The following RMDN2 variants were observed in gnomAD, a reference collection of about 807,000 sequenced individuals.
The protein encoded by RMDN2 is regulator of microtubule dynamics protein 2.
In RMDN2, 61 loss-of-function variants were observed where a neutral mutation model predicts 52.8. The ratio of observed to expected loss-of-function variants is 1.16; its 90% CI spans 0.94 to 1.43. The LOEUF (loss-of-function observed/expected upper bound fraction) is 1.43, where lower values mean the gene tolerates loss of function less well. Among genes scored for constraint, RMDN2 ranks in the 40% most tolerant of loss-of-function variants. The pLI is 0.00. For synonymous variants in RMDN2, 180 were observed against 153.1 expected (o/e 1.18, Z -1.30); for missense variants, 592 against 475.3 (o/e 1.25, Z -2.28).
intron 10 of RMDN2, among the ~76,000 whole-genome samples, chr2:38,043,392 G>A (rs1681083165): frequency 6.6e-6 from 1 of 152,070 alleles, no homozygotes; most frequent in South Asian, 2.1e-4. Flanking sequence ...TATATTTAGT[G>A]TAGGTTTCTT....
At chr2:38,019,616 C>CTGTA (rs1264940220), downstream of RMDN2, among the ~76,000 whole-genome samples, 2 of 152,236 alleles carry the variant, frequency 1.3e-5, no homozygotes, top group Non-Finnish European at 2.9e-5. Context: ...TAACTCCCTG[C>CTGTA]TGTATGCCCC....
At chr2:37,940,140 A>G (rs1405661920) in intron 2 of RMDN2, among the ~76,000 whole-genome samples, 3 of 152,176 alleles carry the variant, frequency 2.0e-5, no homozygotes, top group Non-Finnish European at 4.4e-5. Context: ...TTCACTTGTG[A>G]AGCTTAGTTT....
At chr2:37,963,911 CACCTCCCGGACGGGGCGGCGG>C (rs1670649248) in intron 2 of RMDN2, among the ~76,000 whole-genome samples, 6 of 151,358 alleles carry the variant, frequency 4.0e-5, no homozygotes, top group South Asian at 4.2e-4. Flanking sequence ...GGCGCCCCCC[CACCTCCCGGACGGGGCGGCGG>C]CCAGGCGGAG....
intron 2 of RMDN2, chr2:37,952,081 A>AG: frequency 6.2e-7 from 1 of 1,613,286 alleles, no homozygotes; most frequent in Non-Finnish European, 8.5e-7. Flanking sequence ...TCTTATAAAA[A>AG]TTCTGGTTGC....
At chr2:38,021,520 C>G (rs181280783), downstream of RMDN2, among the ~76,000 whole-genome samples, 498 of 152,206 alleles carry the variant, frequency 3.3e-3, 2 homozygotes, top group African/African-American at 7.4e-3. Flanking sequence ...GCCAGCGAGA[C>G]CACAAACCCA....
chr2:38,044,687 T>C (rs1340697048), intron 10 of RMDN2, among the ~76,000 whole-genome samples: 2 of 152,166 alleles, frequency 1.3e-5, no homozygotes, highest in African/African-American at 4.8e-5. Flanking sequence ...TGATGAACTA[T>C]CAAAGAATTC....
intron 5 of RMDN2, among the ~76,000 whole-genome samples, chr2:37,986,133 C>T (rs1673981453): frequency 6.6e-6 from 1 of 151,878 alleles, no homozygotes; most frequent in Admixed American, 6.6e-5. Context: ...ATGCCCATGA[C>T]AAAAATAGAG....
chr2:37,990,396 G>T (rs1376839951), intron 6 of RMDN2, among the ~76,000 whole-genome samples: 1 of 149,278 alleles, frequency 6.7e-6, no homozygotes, highest in East Asian at 2.0e-4. Context: ...GCGGGCGCCT[G>T]TAATCCCAGC....
At chr2:37,990,195 G>A (rs753904580) in intron 6 of RMDN2, among the ~76,000 whole-genome samples, 4 of 150,230 alleles carry the variant, frequency 2.7e-5, no homozygotes, top group South Asian at 2.1e-4. Flanking sequence ...AAGAAGTCAC[G>A]GAGTAGATGA....
chr2:38,009,488 C>G (rs1677625603), intron 10 of RMDN2, among the ~76,000 whole-genome samples: 1 of 152,206 alleles, frequency 6.6e-6, no homozygotes, highest in Non-Finnish European at 1.5e-5. Context: ...ACCCTTTCTT[C>G]CAGTTGATCA....
downstream of RMDN2, among the ~76,000 whole-genome samples, chr2:38,022,430 T>C (rs1679458524): frequency 6.6e-6 from 1 of 152,164 alleles, no homozygotes; most frequent in African/African-American, 2.4e-5. Flanking sequence ...TGAGGATTGT[T>C]CCTGCTAGAT....
intron 10 of RMDN2, among the ~76,000 whole-genome samples, chr2:38,052,989 C>T (rs1178338491): frequency 6.6e-6 from 1 of 152,170 alleles, no homozygotes; most frequent in Non-Finnish European, 1.5e-5. Flanking sequence ...GCCAACTTTA[C>T]AGATGTCAAG....
intron 2 of RMDN2, chr2:37,950,503 C>T (rs1470178988): frequency 6.2e-7 from 1 of 1,612,618 alleles, no homozygotes; most frequent in South Asian, 1.1e-5. Context: ...CCTGTTCCAC[C>T]TCTACAGGGC....
At chr2:37,924,044 C>A (rs1666110653), upstream of RMDN2, among the ~76,000 whole-genome samples, 1 of 152,162 alleles carries the variant, frequency 6.6e-6, no homozygotes, top group Non-Finnish European at 1.5e-5. Flanking sequence ...GCCACTGCGC[C>A]CTGCTACAAA....
intron 10 of RMDN2, among the ~76,000 whole-genome samples, chr2:38,016,238 C>G (rs1043180746): frequency 1.3e-5 from 2 of 152,196 alleles, no homozygotes; most frequent in Non-Finnish European, 2.9e-5. Context: ...GAGCAAGGCT[C>G]TAACAGCCTG....
At chr2:38,015,869 C>T (rs1678702941) in intron 10 of RMDN2, among the ~76,000 whole-genome samples, 1 of 152,202 alleles carries the variant, frequency 6.6e-6, no homozygotes, top group Non-Finnish European at 1.5e-5. Flanking sequence ...GAATGCAGCA[C>T]AATCATATGA....
intron 7 of RMDN2, among the ~76,000 whole-genome samples, chr2:37,995,889 A>G (rs1675468458): frequency 6.6e-6 from 1 of 152,232 alleles, no homozygotes; most frequent in Non-Finnish European, 1.5e-5. Flanking sequence ...TCTTTTTATA[A>G]AAATTGTAAA....
intron 4 of RMDN2, among the ~76,000 whole-genome samples, chr2:37,977,152 A>G (rs559637563): frequency 2.0e-5 from 3 of 152,336 alleles, no homozygotes; most frequent in Admixed American, 1.3e-4. Context: ...TTCAGAGAGC[A>G]CAGGGTTGGG....
intron 10 of RMDN2, among the ~76,000 whole-genome samples, chr2:38,058,486 G>A (rs1056648240): frequency 1.2e-4 from 19 of 152,220 alleles, no homozygotes; most frequent in African/African-American, 4.3e-4. Context: ...CTCTGCTCAG[G>A]CAGGGGACTT....
Sources: allele counts gnomAD v4.1 joint callset (sites outside exome capture counted in the v4.1 genomes callset), GRCh38; gene constraint gnomAD v4.1.1; transcripts MANE v1.5; gene names NCBI Gene and HGNC (gene_info 2026-07-23, HGNC 2026-07-21).